ERI3: variants seen among roughly 807,000 people sequenced by gnomAD.
ERI3 encodes the protein ERI1 exoribonuclease 3.
In ERI3, 18 loss-of-function variants were observed where a neutral mutation model predicts 44.4. That is an observed-to-expected ratio of 0.41 (90% CI 0.28 to 0.60). The LOEUF is 0.60. Among genes scored for constraint, ERI3 ranks in the 20% least tolerant of loss-of-function variants. ERI3 has a pLI of 0.36. For synonymous variants in ERI3, 183 were observed against 164.8 expected, an observed-to-expected ratio of 1.11 and a Z score of -0.84; for missense variants, 294 against 435.5, an observed-to-expected ratio of 0.68 and a Z score of 2.89.
Position 44,354,968 on chromosome 1 carries a change from AGCCCTCCTTCCCAGGGCC to A in ERI3, c.41_58del (p.Arg14_Gly19del). On this transcript the variant is annotated inframe_deletion, in exon 1 of 9. Transcript: ENST00000372257. Reference sequence around the variant, plus strand: ...GGGAGGGGCGGGGGGCCAGGAGACCAGCCCTCCTTCCCAGGGCCGCCCCCGCCCCCCGTCAGCAGCGGG... The same window carrying A: ...GGGAGGGGCGGGGGGCCAGGAGACCAGCCCCCGCCCCCCGTCAGCAGCGGG... 7.4e-7 allele frequency: 1 copy of A among 1,357,836 alleles called. No individual in the cohort carries two copies. Among genetic ancestry groups the A allele is most frequent in the Non-Finnish European group, 9.5e-7 (1 of 1,048,540 alleles). The allele number at this position is 1,357,836 out of a possible 1,614,324, so 84.1% of individuals were successfully genotyped here.
intron 5 of ERI3, among the ~76,000 whole-genome samples, chr1:44,311,898 T>G (rs1354409766): frequency 6.6e-6 from 1 of 150,744 alleles, no homozygotes; most frequent in African/African-American, 2.4e-5. Context: ...GGAATGAATC[T>G]CTTCAAAAAA....
At chr1:44,249,989 G>A (rs79475765) in intron 7 of ERI3, among the ~76,000 whole-genome samples, 1,600 of 152,156 alleles carry the variant, frequency 0.011, 27 homozygotes, top group African/African-American at 0.037. Context: ...AGGGAAGGAA[G>A]GGGGAAAAAA....
chr1:44,287,227 T>A (rs922962521), intron 6 of ERI3, among the ~76,000 whole-genome samples: 1 of 151,960 alleles, frequency 6.6e-6, no homozygotes, highest in Non-Finnish European at 1.5e-5. Flanking sequence ...GTGGACTGAG[T>A]GTGGGAGGCA....
chr1:44,344,714 T>A (rs1242711313), intron 2 of ERI3, among the ~76,000 whole-genome samples: 1 of 152,260 alleles, frequency 6.6e-6, no homozygotes, highest in Non-Finnish European at 1.5e-5. Context: ...AGAAAGTTTA[T>A]GATTCTGCCT....
At chr1:44,341,328 C>T (rs2154331476) in intron 2 of ERI3, among the ~76,000 whole-genome samples, 1 of 152,338 alleles carries the variant, frequency 6.6e-6, no homozygotes, top group Admixed American at 6.5e-5. Context: ...CAGTGCCTGG[C>T]ATATAACAGC....
Position 44,339,328 on chromosome 1 carries a change from G to A in ERI3, c.212-6C>T. The A allele has an allele frequency of 7.0e-7, 1 of 1,422,252 alleles. No homozygotes were observed. Among genetic ancestry groups the A allele is most frequent in the Non-Finnish European group, 9.3e-7 (1 of 1,080,554 alleles). The allele number at this position is 1,422,252 out of a possible 1,614,324, so 88.1% of individuals were successfully genotyped here. A position where few individuals can be genotyped will look rare whatever the true frequency, so the allele number is the denominator to read the frequency against. On this transcript the variant is annotated splice_region_variant and splice_polypyrimidine_tract_variant and intron_variant, in intron 2 of 8. Transcript: ENST00000372257. ...ACATCCAGAAGCATCTAAAACTTAG[G>A]GGAGGAAAGTTTAAAAAAAAAAAAA...
intron 8 of ERI3, among the ~76,000 whole-genome samples, chr1:44,226,140 T>C (rs576509588): frequency 6.6e-6 from 1 of 152,164 alleles, no homozygotes; most frequent in Admixed American, 6.5e-5. Context: ...AGGTGTTCAA[T>C]AAATAGTACA....
rs1327689253 is a variant in ERI3 at position 44,223,249 on chromosome 1, C to T, written c.932-1609G>A. On this transcript the variant is annotated intron_variant, in intron 8 of 8. Coordinates refer to ENST00000372257, the MANE Select transcript of ERI3 (RefSeq NM_024066.3). ...ATCCCCATGGTTTATGGGCCGGACA[C>T]GCACCCCGCTCAGCTGAGGCCCCAT... Among the ~76,000 whole-genome samples, 4 of 152,152 alleles carry T rather than the reference C, an allele frequency of 2.6e-5. No homozygotes were observed. In the East Asian group the frequency reaches 7.7e-4, roughly 29 times the overall value.
chr1:44,319,306 C>A (rs1259209251), intron 4 of ERI3, among the ~76,000 whole-genome samples: 1 of 152,228 alleles, frequency 6.6e-6, no homozygotes, highest in Non-Finnish European at 1.5e-5. Flanking sequence ...TACCTCTTGC[C>A]AAGGGGCCCT....
chr1:44,294,543 C>G (rs186424064), intron 6 of ERI3, among the ~76,000 whole-genome samples: 22 of 152,330 alleles, frequency 1.4e-4, no homozygotes, highest in African/African-American at 5.3e-4. Context: ...AAGTGCCTCT[C>G]CGGTGTCCTT....
intron 1 of ERI3, chr1:44,353,628 C>A: frequency 1.0e-6 from 1 of 985,406 alleles, no homozygotes; most frequent in African/African-American, 1.7e-5. Context: ...CCAATTTACC[C>A]CACCACAAAG....
intron 7 of ERI3, among the ~76,000 whole-genome samples, chr1:44,270,103 T>C (rs189570823): frequency 2.0e-5 from 3 of 152,292 alleles, no homozygotes; most frequent in Admixed American, 1.3e-4. Flanking sequence ...TTTCTGCAAC[T>C]ACTCCCAGTT....
chr1:44,284,880 G>A lies in ERI3; in HGVS notation c.786C>T (p.Gly262=), dbSNP rs774217782. The A allele has an allele frequency of 5.5e-5, 89 of 1,613,966 alleles. 1 individual carries two copies. The South Asian group carries it at 9.1e-4, about 17-fold the overall frequency. The part of the protein sequence containing the change: ...VMLPGQCQYL[G]LPVADYFKQW... ...GCTTGAAGTAATCCGCCACTGGCAA[G>A]CCCAAGTACTGGCACTGGCCTGGGA... The change falls in exon 7 of 9, where the codon GGC becomes GGT. Residue 262 remains glycine (G), a synonymous_variant. Transcript: ENST00000372257.
At chr1:44,293,547 G>A (rs527356648) in intron 6 of ERI3, among the ~76,000 whole-genome samples, 2 of 152,294 alleles carry the variant, frequency 1.3e-5, no homozygotes, top group East Asian at 1.9e-4. Flanking sequence ...AGATCCAGGC[G>A]AGGTGGGGTA....
chr1:44,242,198 T>C, intron 8 of ERI3: 22 of 950,372 alleles, frequency 2.3e-5, no homozygotes, highest in Non-Finnish European at 2.8e-5. Flanking sequence ...ACAGTAGTAC[T>C]GTGCTCTGCC....
chr1:44,295,370 A>C (rs1389059264), intron 6 of ERI3, among the ~76,000 whole-genome samples: 1 of 152,156 alleles, frequency 6.6e-6, no homozygotes. Flanking sequence ...TTGTGCCTTC[A>C]TTGTAGTGTT....
intron 6 of ERI3, among the ~76,000 whole-genome samples, chr1:44,286,873 C>T (rs1645404287): frequency 6.6e-6 from 1 of 152,182 alleles, no homozygotes; most frequent in African/African-American, 2.4e-5. Context: ...AGCCACATAT[C>T]CTTATCAACT....
intron 5 of ERI3, among the ~76,000 whole-genome samples, chr1:44,310,965 A>ACGCGCGCGCG (rs1211817457): frequency 1.4e-4 from 7 of 49,724 alleles, no homozygotes; most frequent in African/African-American, 4.8e-4. Context: ...GCGCGCGCGC[A>ACGCGCGCGCG]CACACACACA....
At chr1:44,348,875 T>C (rs560087780) in intron 2 of ERI3, among the ~76,000 whole-genome samples, 108 of 152,364 alleles carry the variant, frequency 7.1e-4, no homozygotes, top group African/African-American at 2.5e-3. Context: ...TCATTTAACC[T>C]TTCTAGGCCT....
Sources: allele counts gnomAD v4.1 joint callset (sites outside exome capture counted in the v4.1 genomes callset), GRCh38; gene constraint gnomAD v4.1.1; transcripts MANE v1.5; gene names NCBI Gene and HGNC (gene_info 2026-07-23, HGNC 2026-07-21).